PHLPP1: variants seen among roughly 807,000 people sequenced by gnomAD.
PHLPP1 encodes PH domain and leucine rich repeat protein phosphatase 1.
Under a neutral mutation model 117.2 loss-of-function variants are expected in PHLPP1, and 42 were observed. That is an observed-to-expected ratio of 0.36 (90% CI 0.28 to 0.46). PHLPP1 has a LOEUF of 0.46. PHLPP1 is among the 20% of genes least tolerant of loss of function. PHLPP1 has a pLI of 1.00. For missense variants in PHLPP1, 2,084 were observed against 2,241.9 expected (o/e 0.93, Z 1.42); for synonymous variants, 1,042 against 970.7 (o/e 1.07, Z -1.37).
chr18:62,833,873 C>G (rs1287898670), intron 2 of PHLPP1, among the ~76,000 whole-genome samples: 1 of 152,148 alleles, frequency 6.6e-6, no homozygotes, highest in African/African-American at 2.4e-5. Context: ...GATATGCCTC[C>G]TGGTATGCAA....
intron 1 of PHLPP1, among the ~76,000 whole-genome samples, chr18:62,821,548 CCAAAAA>C (rs1490529584): frequency 3.4e-5 from 1 of 29,322 alleles, no homozygotes; most frequent in African/African-American, 1.2e-4. Context: ...GACCCTTTAT[CCAAAAA>C]AAAAAAAAAA....
At chr18:62,879,975 C>A (rs1050356774) in intron 4 of PHLPP1, among the ~76,000 whole-genome samples, 3 of 152,008 alleles carry the variant, frequency 2.0e-5, no homozygotes, top group Admixed American at 6.6e-5. Flanking sequence ...CTTCCTCCCC[C>A]CACCCCCCAA....
At chr18:62,778,028 G>T (rs946112649) in intron 1 of PHLPP1, among the ~76,000 whole-genome samples, 6 of 152,130 alleles carry the variant, frequency 3.9e-5, no homozygotes, top group Non-Finnish European at 4.4e-5. Context: ...GAATCTCCAT[G>T]TCATACCATA....
At chr18:62,825,580 C>T (rs1183885299) in intron 1 of PHLPP1, 1 of 151,470 alleles carries the variant, frequency 6.6e-6, no homozygotes, top group African/African-American at 2.4e-5. Flanking sequence ...CTCACCTCAA[C>T]TTCCTGATTA....
chr18:62,771,333 A>G (rs1016580052), intron 1 of PHLPP1, among the ~76,000 whole-genome samples: 4 of 152,326 alleles, frequency 2.6e-5, no homozygotes, highest in East Asian at 1.9e-4. Flanking sequence ...CCATTAAGCA[A>G]TCATTTTCTT....
chr18:62,974,646 C>G (rs1022820638), intron 15 of PHLPP1, among the ~76,000 whole-genome samples: 2 of 152,176 alleles, frequency 1.3e-5, no homozygotes, highest in African/African-American at 4.8e-5. Context: ...GATAATCTGC[C>G]AGAACAAGTA....
intron 2 of PHLPP1, among the ~76,000 whole-genome samples, chr18:62,831,583 C>T (rs1413232376): frequency 2.0e-5 from 3 of 152,144 alleles, no homozygotes; most frequent in Non-Finnish European, 4.4e-5. Flanking sequence ...GTGATTCACC[C>T]ACTTTGGCCT....
At chr18:62,764,263 C>T (rs1912380457) in intron 1 of PHLPP1, among the ~76,000 whole-genome samples, 1 of 151,864 alleles carries the variant, frequency 6.6e-6, no homozygotes, top group African/African-American at 2.4e-5. Context: ...TTTTCTTATA[C>T]CTCTGTTCAT....
At chr18:62,843,416 T>C (rs934878034) in intron 3 of PHLPP1, among the ~76,000 whole-genome samples, 3 of 152,182 alleles carry the variant, frequency 2.0e-5, no homozygotes, top group Non-Finnish European at 4.4e-5. Context: ...ACAAGAGAAA[T>C]GTTATTTTTT....
In PHLPP1 at chr18:62,822,616, T is replaced by C. The variant is rs188995443; in HGVS notation, c.1577-7419T>C. Among the ~76,000 whole-genome samples the C allele has an allele frequency of 5.9e-4, 90 of 152,246 alleles. 1 individual carries two copies. The East Asian group carries it at 0.014, about 24-fold the overall frequency. Reference sequence around the variant, plus strand: ...GTGTTTTAAATGGCACAAATTTGAATGCCTCCCCCTTAAGATCAGGAAAAA... The same window carrying C: ...GTGTTTTAAATGGCACAAATTTGAACGCCTCCCCCTTAAGATCAGGAAAAA... On this transcript the variant is annotated intron_variant, in intron 1 of 16. Transcript: ENST00000262719.
At chr18:62,890,087 TA>T (rs1916370378) in intron 4 of PHLPP1, among the ~76,000 whole-genome samples, 1 of 151,024 alleles carries the variant, frequency 6.6e-6, no homozygotes, top group Admixed American at 6.6e-5. Flanking sequence ...TACGTAAAGC[TA>T]GTAGAGTAGT....
chr18:62,851,879 CTTTTCTTTTTTT>C (rs890166901), intron 3 of PHLPP1, among the ~76,000 whole-genome samples: 4 of 151,832 alleles, frequency 2.6e-5, no homozygotes, highest in Admixed American at 2.0e-4. Context: ...AATCTTTTTT[CTTTTCTTTTTTT>C]TTTGAGACAA....
At chr18:62,885,698 A>G (rs1398519100) in intron 4 of PHLPP1, among the ~76,000 whole-genome samples, 1 of 152,164 alleles carries the variant, frequency 6.6e-6, no homozygotes, top group Non-Finnish European at 1.5e-5. Flanking sequence ...CTTTATATTT[A>G]CCTAATAAAG....
chr18:62,728,306 A>G lies in PHLPP1; in HGVS notation c.1576+11047A>G, dbSNP rs1377610176. Among the ~76,000 whole-genome samples, 7 of 151,542 alleles carry G rather than the reference A, an allele frequency of 4.6e-5. No homozygotes were observed. In the East Asian group the frequency reaches 9.7e-4, roughly 21 times the overall value. ...TGAGACTGACTCAAAAAAAAAAAAA[A>G]TATTTTTTTTAAAGAAGTGACATAA... On this transcript the variant is annotated intron_variant, in intron 1 of 16. Transcript: ENST00000262719.
chr18:62,772,649 G>A (rs1330402615), intron 1 of PHLPP1, among the ~76,000 whole-genome samples: 2 of 151,884 alleles, frequency 1.3e-5, no homozygotes, highest in Non-Finnish European at 2.9e-5. Context: ...GGCCAACATG[G>A]TGAGACCCCC....
At chr18:62,729,198 T>C (rs1221875617) in intron 1 of PHLPP1, among the ~76,000 whole-genome samples, 1 of 152,218 alleles carries the variant, frequency 6.6e-6, no homozygotes, top group Admixed American at 6.5e-5. Flanking sequence ...AATTCTTAGT[T>C]ATTATATAAA....
At position 62,905,347 on chromosome 18, in the gene PHLPP1, G is replaced by C. The variant is rs1346663097; in HGVS notation, c.2708+63G>C. 3.7e-6 allele frequency: 3 copies of C among 801,158 alleles called. No individual in the cohort carries two copies. In the African/African-American group the frequency reaches 5.3e-5, roughly 14 times the overall value. 49.6% of individuals were successfully genotyped at this position (801,158 alleles called of 1,614,324 possible). The stretch of plus-strand genomic sequence containing the variant: ...AGAAAATTATTTAGTAATTCTGTCT[G>C]AGCTTATGCACAAGTACTTTTTAAT... On this transcript the variant is annotated intron_variant, in intron 8 of 16. Transcript: ENST00000262719.
chr18:62,973,173 AT>A (rs1911099784), intron 15 of PHLPP1, among the ~76,000 whole-genome samples: 1 of 152,188 alleles, frequency 6.6e-6, no homozygotes, highest in South Asian at 2.1e-4. Flanking sequence ...AGATGGTCAG[AT>A]TTTAGCCCAA....
intron 1 of PHLPP1, among the ~76,000 whole-genome samples, chr18:62,814,312 T>C (rs1914204507): frequency 6.6e-6 from 1 of 152,198 alleles, no homozygotes; most frequent in Admixed American, 6.5e-5. Flanking sequence ...GCAGTTAGTC[T>C]TAAATCTGTT....
Sources: gnomAD v4.1 joint callset for allele counts (sites outside exome capture counted in the v4.1 genomes callset) on GRCh38, gnomAD v4.1.1 for gene constraint, MANE v1.5 for transcripts, NCBI Gene and HGNC (gene_info 2026-07-23, HGNC 2026-07-21) for gene names.